The following TAFA2 variants were observed in gnomAD, a reference collection of about 807,000 sequenced individuals.
TAFA2 encodes the protein TAFA chemokine like family member 2, also known as chemokine-like protein TAFA-2.
TAFA2 carries 7 observed loss-of-function variants against 18.8 expected under a neutral mutation model. The ratio of observed to expected loss-of-function variants is 0.37; its 90% confidence interval spans 0.21 to 0.70. The LOEUF is 0.70. Ranked by LOEUF, TAFA2 falls within the 30% of genes least tolerant of loss-of-function variation. TAFA2 has a pLI of 0.53. For synonymous variants in TAFA2, 60 were observed against 54.2 expected, an observed-to-expected ratio of 1.11 and a Z score of -0.47; for missense variants, 122 against 158.1, an observed-to-expected ratio of 0.77 and a Z score of 1.23.
intron 1 of TAFA2, among the ~76,000 whole-genome samples, chr12:62,211,861 C>A (rs920729109): frequency 7.2e-5 from 11 of 152,142 alleles, no homozygotes; most frequent in African/African-American, 2.7e-4. Flanking sequence ...TTGAGTTATT[C>A]AAAATTCCTG....
At chr12:62,178,342 T>C (rs1012975632) in intron 1 of TAFA2, among the ~76,000 whole-genome samples, 2 of 152,158 alleles carry the variant, frequency 1.3e-5, no homozygotes, top group African/African-American at 2.4e-5. Flanking sequence ...GGGGCAGTAA[T>C]AAAATTCTGT....
At chr12:61,741,778 A>G (rs1868462944) in intron 4 of TAFA2, among the ~76,000 whole-genome samples, 1 of 152,142 alleles carries the variant, frequency 6.6e-6, no homozygotes, top group Non-Finnish European at 1.5e-5. Context: ...AATCCCCAAA[A>G]TCTAGCACAA....
chr12:62,127,540 C>A (rs1224478260), intron 1 of TAFA2, among the ~76,000 whole-genome samples: 1 of 151,778 alleles, frequency 6.6e-6, no homozygotes, highest in Non-Finnish European at 1.5e-5. Context: ...AAAGTTTTTA[C>A]CTTTAGTTTT....
At chr12:61,732,151 G>T (rs1316639759) in intron 4 of TAFA2, among the ~76,000 whole-genome samples, 1 of 152,078 alleles carries the variant, frequency 6.6e-6, no homozygotes, top group African/African-American at 2.4e-5. Flanking sequence ...TTCAGTAAGA[G>T]CATATGGAGA....
In TAFA2 at chr12:62,124,354, T is replaced by C. The variant is rs190789571; in HGVS notation, c.-2+66905A>G. Reference sequence around the variant, plus strand: ...ACTAAAAGAATACAAATCAAAGCTGTTGATAACATCACTGAAATATATTAG... The same window carrying C: ...ACTAAAAGAATACAAATCAAAGCTGCTGATAACATCACTGAAATATATTAG... On this transcript the variant is annotated intron_variant, in intron 1 of 4. Coordinates refer to ENST00000416284, the MANE Select transcript of TAFA2 (RefSeq NM_178539.5). Among the ~76,000 whole-genome samples the C allele has an allele frequency of 2.0e-5, 3 of 151,882 alleles. No homozygotes were observed. In the East Asian group the frequency reaches 5.8e-4, roughly 29 times the overall value.
chr12:62,177,516 A>G (rs2062521917), intron 1 of TAFA2, among the ~76,000 whole-genome samples: 1 of 152,252 alleles, frequency 6.6e-6, no homozygotes, highest in Non-Finnish European at 1.5e-5. Context: ...TCAACCATTC[A>G]GAGGATTTCA....
chr12:61,805,478 A>G (rs1456605152), intron 2 of TAFA2, among the ~76,000 whole-genome samples: 1 of 152,164 alleles, frequency 6.6e-6, no homozygotes, highest in African/African-American at 2.4e-5. Context: ...CTTAAAGTAC[A>G]TTTTGAATTT....
chr12:62,021,911 C>T, intron 1 of TAFA2: 2 of 744,224 alleles, frequency 2.7e-6, no homozygotes, highest in Non-Finnish European at 5.0e-6. Flanking sequence ...CCTTTGGCCC[C>T]ACTCTCCATG....
intron 2 of TAFA2, among the ~76,000 whole-genome samples, chr12:61,788,994 A>AT (rs753424085): frequency 2.6e-5 from 4 of 151,556 alleles, no homozygotes; most frequent in Non-Finnish European, 4.4e-5. Flanking sequence ...TGATGGGGTC[A>AT]TTTTTTTCTT....
chr12:62,184,794 C>G (rs1023296523), intron 1 of TAFA2, among the ~76,000 whole-genome samples: 5 of 151,912 alleles, frequency 3.3e-5, no homozygotes, highest in Non-Finnish European at 7.4e-5. Context: ...GCCACCGTGC[C>G]TGGCTGAAAA....
intron 2 of TAFA2, among the ~76,000 whole-genome samples, chr12:61,783,940 A>G (rs1870615269): frequency 6.6e-6 from 1 of 151,598 alleles, no homozygotes; most frequent in Non-Finnish European, 1.5e-5. Flanking sequence ...TGATATTTTT[A>G]CTTAATAAAC....
At chr12:61,961,419 G>A (rs528729340) in intron 1 of TAFA2, among the ~76,000 whole-genome samples, 1 of 152,044 alleles carries the variant, frequency 6.6e-6, no homozygotes, top group East Asian at 1.9e-4. Flanking sequence ...GGTCATTTTT[G>A]CAGGTTAAAT....
intron 1 of TAFA2, among the ~76,000 whole-genome samples, chr12:61,976,871 G>A (rs537119337): frequency 5.0e-4 from 76 of 152,150 alleles, no homozygotes; most frequent in African/African-American, 1.8e-3. Flanking sequence ...TTTTATGGCT[G>A]CATAGTATTC....
At chr12:62,151,249 T>C (rs2062326742) in intron 1 of TAFA2, among the ~76,000 whole-genome samples, 2 of 149,178 alleles carry the variant, frequency 1.3e-5, no homozygotes, top group Non-Finnish European at 2.9e-5. Context: ...CCTATCTTGC[T>C]TGCTTCCTCC....
At chr12:62,183,299 C>A (rs573408609) in intron 1 of TAFA2, among the ~76,000 whole-genome samples, 1 of 152,290 alleles carries the variant, frequency 6.6e-6, no homozygotes, top group South Asian at 2.1e-4. Context: ...TCTGCTGGTG[C>A]CTTGATCTTG....
intron 1 of TAFA2, among the ~76,000 whole-genome samples, chr12:62,214,825 T>C (rs2062727608): frequency 6.6e-6 from 1 of 152,174 alleles, no homozygotes; most frequent in South Asian, 2.1e-4. Context: ...AAGACATCAG[T>C]CTATGGTACT....
intron 2 of TAFA2, among the ~76,000 whole-genome samples, chr12:61,797,655 C>G: frequency 6.6e-6 from 1 of 152,166 alleles, no homozygotes; most frequent in Non-Finnish European, 1.5e-5. Context: ...GGTTTATAGA[C>G]TCATTTTATT....
At chr12:61,950,228 G>A (rs1878418752) in intron 1 of TAFA2, among the ~76,000 whole-genome samples, 1 of 152,134 alleles carries the variant, frequency 6.6e-6, no homozygotes, top group South Asian at 2.1e-4. Context: ...ATGAAAAAGG[G>A]TGTGCAAATA....
At chr12:62,136,730 G>A (rs1423338123) in intron 1 of TAFA2, among the ~76,000 whole-genome samples, 1 of 152,130 alleles carries the variant, frequency 6.6e-6, no homozygotes. Context: ...TGAAATATTT[G>A]TTAAGAGAAT....
Sources: allele counts gnomAD v4.1 joint callset (sites outside exome capture counted in the v4.1 genomes callset), GRCh38; gene constraint gnomAD v4.1.1; transcripts MANE v1.5; gene names NCBI Gene and HGNC (gene_info 2026-07-23, HGNC 2026-07-21).